The following PEX5 variants were observed in gnomAD, a reference collection of about 807,000 sequenced individuals.
PEX5 encodes PTS1 receptor.
A neutral mutation model predicts 82.9 loss-of-function variants in PEX5; 52 were observed. That is an observed-to-expected ratio of 0.63 (90% confidence interval 0.50 to 0.79). PEX5 has a LOEUF of 0.79. Among genes scored for constraint, PEX5 ranks in the 30% least tolerant of loss-of-function variants. The pLI is 0.00. For synonymous variants in PEX5, 300 were observed against 318.8 expected, an observed-to-expected ratio of 0.94 and a Z score of 0.63; for missense variants, 719 against 815.2, an observed-to-expected ratio of 0.88 and a Z score of 1.44.
chr12:7,215,965 T>G (rs1286145271), downstream of PEX5, among the ~76,000 whole-genome samples: 3 of 151,082 alleles, frequency 2.0e-5, no homozygotes, highest in Non-Finnish European at 4.4e-5. Context: ...ATTAATTAAA[T>G]TAAAAAAAAA....
chr12:7,192,772 A>G (rs914082671), intron 5 of PEX5, among the ~76,000 whole-genome samples: 8 of 152,170 alleles, frequency 5.3e-5, no homozygotes, highest in African/African-American at 1.9e-4. Context: ...CGTTTGCTAC[A>G]GATTTCAAGG....
In PEX5 at chr12:7,201,278, CAT is replaced by C. The variant is rs759981923; in HGVS notation, c.552-471_552-470del. On this transcript the variant is annotated intron_variant, in intron 6 of 15. Transcript: ENST00000675855. Reference sequence around the variant, plus strand: ...ACATGCGTACACATGTATACACACACATAGACATACATGTATACACACATACA... The same window carrying C: ...ACATGCGTACACATGTATACACACACAGACATACATGTATACACACATACA... Among the ~76,000 whole-genome samples the C allele has an allele frequency of 1.8e-3, 99 of 54,616 alleles. 1 individual carries two copies. In the South Asian group the frequency reaches 0.025, roughly 14 times the overall value. 35.8% of individuals were successfully genotyped at this position (54,616 alleles called of 152,430 possible). A position where few individuals can be genotyped will look rare whatever the true frequency, so the allele number is the denominator to read the frequency against.
downstream of PEX5, among the ~76,000 whole-genome samples, chr12:7,211,842 G>A (rs1039564105): frequency 2.0e-5 from 3 of 151,822 alleles, no homozygotes; most frequent in African/African-American, 7.3e-5. Flanking sequence ...ATCGGGAACT[G>A]TATCAAGTGC....
chr12:7,216,099 C>G, downstream of PEX5, among the ~76,000 whole-genome samples: 1 of 152,124 alleles, frequency 6.6e-6, no homozygotes, highest in East Asian at 1.9e-4. Flanking sequence ...TCCCGAGTAG[C>G]TGCTATTACA....
intron 5 of PEX5, among the ~76,000 whole-genome samples, chr12:7,196,226 ATATAATTTAATTATATG>A: frequency 2.6e-5 from 1 of 38,894 alleles, no homozygotes. Flanking sequence ...TATATGTCAT[ATATAATTTAATTATATG>A]TCATATTTAA....
rs1328575148 is a variant in PEX5 at position 7,209,782 on chromosome 12, G to A, written c.1660G>A (p.Gly554Ser). Residue 554 changes from glycine to serine, a missense_variant, in exon 15 of 16, where the codon GGC (glycine) becomes AGC (serine). Physicochemically the swap from Gly to Ser is moderately conservative, Grantham distance 56 (BLOSUM62 0). Coordinates refer to ENST00000675855, the MANE Select transcript of PEX5 (RefSeq NM_001351132.2). ...AYRRALELQP[G>S]YIRSRYNLGI... Reference sequence around the variant, plus strand: ...CCGCCGGGCCCTCGAGCTCCAGCCTGGCTATATCCGGTCCCGCTATAACCT... The same window carrying A: ...CCGCCGGGCCCTCGAGCTCCAGCCTAGCTATATCCGGTCCCGCTATAACCT... 6.2e-7 allele frequency: 1 copy of A among 1,614,180 alleles called. No homozygotes were observed. The highest frequency in any genetic ancestry group is 1.7e-5 in the Admixed American group (1 of 60,024).
intron 5 of PEX5, among the ~76,000 whole-genome samples, chr12:7,193,538 A>T (rs1591661923): frequency 6.6e-6 from 1 of 152,094 alleles, no homozygotes; most frequent in Non-Finnish European, 1.5e-5. Flanking sequence ...CCTCACGTTG[A>T]GATTCTTTGT....
At position 7,209,035 on chromosome 12, in the gene PEX5, C is replaced by T; in HGVS notation, c.1425C>T (p.Phe475=). 6.2e-7 allele frequency: 1 copy of T among 1,614,108 alleles called. No individual in the cohort carries two copies. Among genetic ancestry groups the T allele is most frequent in the South Asian group, 1.1e-5 (1 of 91,074 alleles). Residue 475 remains phenylalanine, a synonymous_variant, in exon 14 of 16, where the codon TTC becomes TTT. Transcript: ENST00000675855. ...DSLFLEVKEL[F]LAAVRLDPTS... ...TGTTTCTTGAAGTGAAAGAGCTCTT[C>T]CTGGCAGCTGTGCGGCTGGACCCTA... is the stretch of plus-strand genomic sequence containing the variant.
chr12:7,209,869 A>T (rs1945325850), intron 15 of PEX5, 29 bp downstream of exon 15: 2 of 1,612,926 alleles, frequency 1.2e-6, no homozygotes, highest in Non-Finnish European at 1.7e-6. Flanking sequence ...AAATGAATGA[A>T]TGAGCTTTTT....
chr12:7,218,323 A>T (rs1945838000), intron 17 of PEX5: 1 of 152,184 alleles, frequency 6.6e-6, no homozygotes, highest in African/African-American at 2.4e-5. Flanking sequence ...AGACGGGCAA[A>T]CTATTCTAGG....
rs1944394025 is a variant in PEX5 at position 7,203,480 on chromosome 12, GC to G, written c.896del (p.Ala299GlufsTer89). The G allele has an allele frequency of 1.2e-6, 2 of 1,613,786 alleles. No homozygotes were observed. The highest frequency in any genetic ancestry group is 1.7e-6 in the Non-Finnish European group (2 of 1,179,910). ...DKLQAELEEM[A>X]KRDAEAHPWL... ...GTTGCAGGCAGAGTTGGAGGAGATG[GC>G]AAAACGGGATGCTGAGGCCCACCCC... On this transcript the variant is annotated frameshift_variant, in exon 10 of 16. Coordinates refer to ENST00000675855, the MANE Select transcript of PEX5 (RefSeq NM_001351132.2). LOFTEE classifies it high-confidence loss of function.
chr12:7,200,183 G>A (rs1265155722), intron 6 of PEX5, among the ~76,000 whole-genome samples: 1 of 149,714 alleles, frequency 6.7e-6, no homozygotes, highest in African/African-American at 2.5e-5. Flanking sequence ...CGGGGCGGCC[G>A]GGCAGAGACG....
Position 7,202,287 on chromosome 12 carries a change from A to C in PEX5, c.689A>C (p.Glu230Ala), listed in dbSNP as rs140292053. 19 of 1,614,076 alleles carry C rather than the reference A, an allele frequency of 1.2e-5. No homozygotes were observed. The highest frequency in any genetic ancestry group is 1.4e-5 in the Non-Finnish European group (16 of 1,180,024). Residue 230 changes from glutamate (E) to alanine (A), a missense_variant, in exon 8 of 16, where the codon GAG (glutamate) becomes GCG (alanine). Coordinates refer to ENST00000675855, the MANE Select transcript of PEX5 (RefSeq NM_001351132.2). Reference sequence around the variant, plus strand: ...ATTGGCGAAGGGCAGGTGTCCCTGGAGTCCGGTGCAGGGTCGGGCCGAGCT... The same window carrying C: ...ATTGGCGAAGGGCAGGTGTCCCTGGCGTCCGGTGCAGGGTCGGGCCGAGCT... Reference protein sequence around the residue: ...RQIGEGQVSLESGAGSGRAQA... With the variant: ...RQIGEGQVSLASGAGSGRAQA...
At position 7,210,216 on chromosome 12, in the gene PEX5, C is replaced by G. The variant is rs138706552; in HGVS notation, c.1913C>G (p.Pro638Arg). The G allele has an allele frequency of 6.2e-7, 1 of 1,614,042 alleles. No homozygotes were observed. The highest frequency in any genetic ancestry group is 8.5e-7 in the Non-Finnish European group (1 of 1,179,980). ...ACCCTCCTAACTATGTTTGGCCTGC[C>G]CCAGTGACAGTGGGACGGGCTGCCC... is the stretch of plus-strand genomic sequence containing the variant. Reference protein sequence around the residue: ...LSTLLTMFGLPQ With the variant: ...LSTLLTMFGLRQ The change falls in exon 16 of 16, where the codon CCC becomes CGC. Residue 638 changes from proline to arginine, a missense_variant. Transcript: ENST00000675855.
intron 5 of PEX5, among the ~76,000 whole-genome samples, chr12:7,194,613 C>A (rs116743379): frequency 6.6e-6 from 1 of 152,198 alleles, no homozygotes. Flanking sequence ...GGAATCCCCC[C>A]GTCTTAAATC....
rs749267891 is a variant in PEX5, at chr12:7,190,443, G to C, written c.66G>C (p.Gly22=). ...CCAACCCGCTCATGAAGCTCGCCGG[G>C]CACTTCACCCAGGACAAGGCCCTTC... ...GGANPLMKLA[G]HFTQDKALRQ... is the part of the protein sequence containing the mutation. Residue 22 remains glycine, a synonymous_variant, in exon 2 of 16, where the codon GGG becomes GGC. Transcript: ENST00000675855. 1.2e-6 allele frequency: 2 copies of C among 1,614,210 alleles called. No homozygotes were observed. The highest frequency in any genetic ancestry group is 1.1e-5 in the South Asian group (1 of 91,086).
intron 5 of PEX5, among the ~76,000 whole-genome samples, 166 bp downstream of exon 5, chr12:7,191,866 T>C (rs1043210789): frequency 4.6e-5 from 7 of 152,192 alleles, no homozygotes; most frequent in Admixed American, 6.5e-5. Context: ...CGGAATGTAA[T>C]GTATATTAAA....
chr12:7,214,367 C>T (rs1945716795), downstream of PEX5, among the ~76,000 whole-genome samples: 2 of 151,902 alleles, frequency 1.3e-5, no homozygotes, highest in African/African-American at 4.8e-5. Context: ...GGCACATATA[C>T]ACCATGGAAT....
At chr12:7,189,999 C>A (rs939041822) in intron 1 of PEX5, 2 of 1,502,898 alleles carry the variant, frequency 1.3e-6, no homozygotes, top group Non-Finnish European at 1.8e-6. Context: ...GGGCTGTTTT[C>A]CCACTGTCCC....
Sources: allele counts gnomAD v4.1 joint callset (sites outside exome capture counted in the v4.1 genomes callset), GRCh38; gene constraint gnomAD v4.1.1; transcripts MANE v1.5; gene names NCBI Gene and HGNC (gene_info 2026-07-23, HGNC 2026-07-21).